The following GPC5 variants were observed in gnomAD, a reference collection of about 807,000 sequenced individuals.
The protein encoded by GPC5 is glypican 5, also known as glypican-5.
In GPC5, 47 loss-of-function variants were observed where a neutral mutation model predicts 53.9. The ratio of observed to expected loss-of-function variants is 0.87; its 90% CI spans 0.69 to 1.11. The LOEUF (loss-of-function observed/expected upper bound fraction) is 1.11. GPC5 is among the 50% of genes most tolerant of loss of function. The probability of loss-of-function intolerance (pLI) is 0.00; values close to 1 mark genes in which losing one functional copy is unlikely to be tolerated. For missense variants in GPC5, 748 were observed against 713.1 expected, an observed-to-expected ratio of 1.05 and a Z score of -0.56; for synonymous variants, 286 against 263.3, an observed-to-expected ratio of 1.09 and a Z score of -0.84.
chr13:92,094,543 AAAT>A (rs1484677375), intron 6 of GPC5, among the ~76,000 whole-genome samples: 5 of 150,544 alleles, frequency 3.3e-5, no homozygotes, highest in African/African-American at 4.9e-5. Context: ...AAAAAAAAAA[AAAT>A]AGTCTAAAAT....
intron 7 of GPC5, among the ~76,000 whole-genome samples, chr13:92,754,380 A>G (rs544610667): frequency 2.8e-4 from 43 of 152,352 alleles, no homozygotes; most frequent in African/African-American, 1.0e-3. Context: ...AAATCATGCC[A>G]AAATGTAAAG....
chr13:92,852,690 C>T (rs1007870211), intron 7 of GPC5, among the ~76,000 whole-genome samples: 1 of 152,264 alleles, frequency 6.6e-6, no homozygotes, highest in African/African-American at 2.4e-5. Flanking sequence ...CCCACCTTGG[C>T]CTCCCAAAGC....
chr13:91,913,863 G>A (rs1054208111), intron 6 of GPC5, among the ~76,000 whole-genome samples: 2 of 152,182 alleles, frequency 1.3e-5, no homozygotes, highest in African/African-American at 2.4e-5. Context: ...AATGGCCAGT[G>A]AAGATTTTCC....
intron 7 of GPC5, among the ~76,000 whole-genome samples, chr13:92,788,214 G>A (rs1283862414): frequency 6.6e-6 from 1 of 151,906 alleles, no homozygotes; most frequent in South Asian, 2.1e-4. Flanking sequence ...CAAGAAATAG[G>A]AACATGTCCA....
At chr13:92,055,049 T>A (rs1354108531) in intron 6 of GPC5, among the ~76,000 whole-genome samples, 1 of 152,232 alleles carries the variant, frequency 6.6e-6, no homozygotes, top group Non-Finnish European at 1.5e-5. Context: ...TATTGTTGTA[T>A]TCTAAATAAC....
intron 5 of GPC5, among the ~76,000 whole-genome samples, chr13:91,883,414 A>G (rs970840484): frequency 1.3e-5 from 2 of 152,236 alleles, no homozygotes; most frequent in African/African-American, 4.8e-5. Flanking sequence ...CGAGAAGAAT[A>G]TCAACCTGTT....
intron 5 of GPC5, among the ~76,000 whole-genome samples, chr13:91,847,441 G>GA (rs1250865946): frequency 5.9e-5 from 9 of 151,864 alleles, no homozygotes; most frequent in Admixed American, 4.6e-4. Flanking sequence ...GAGTTCAACT[G>GA]AAAAAAATGC....
chr13:91,996,419 T>C (rs1300267493), intron 6 of GPC5: 2 of 152,234 alleles, frequency 1.3e-5, no homozygotes, highest in African/African-American at 4.8e-5. Context: ...AACATACTCA[T>C]AAGGCACAAA....
At chr13:92,025,568 G>A (rs1464002113) in intron 6 of GPC5, among the ~76,000 whole-genome samples, 2 of 152,200 alleles carry the variant, frequency 1.3e-5, no homozygotes, top group Non-Finnish European at 2.9e-5. Flanking sequence ...TGCAGGTCAT[G>A]TAGTGTAAAC....
chr13:92,133,075 G>A (rs2041757433), intron 6 of GPC5, among the ~76,000 whole-genome samples: 1 of 151,984 alleles, frequency 6.6e-6, no homozygotes, highest in South Asian at 2.1e-4. Flanking sequence ...ATAGTTAACA[G>A]GAGAAATATT....
chr13:91,550,451 G>A (rs891962962), intron 2 of GPC5, among the ~76,000 whole-genome samples: 1 of 152,168 alleles, frequency 6.6e-6, no homozygotes, highest in Non-Finnish European at 1.5e-5. Context: ...GGAAATATAT[G>A]TGTGGGGGCA....
intron 2 of GPC5, among the ~76,000 whole-genome samples, chr13:91,611,081 A>G (rs1182656257): frequency 6.6e-6 from 1 of 152,198 alleles, no homozygotes; most frequent in South Asian, 2.1e-4. Flanking sequence ...TTGTCAGATT[A>G]GTTAGAATGT....
chr13:92,189,719 T>C (rs1303159643), intron 7 of GPC5, among the ~76,000 whole-genome samples: 1 of 151,994 alleles, frequency 6.6e-6, no homozygotes, highest in Non-Finnish European at 1.5e-5. Flanking sequence ...TGCTAAGAGC[T>C]TTAATGGAAA....
chr13:92,304,293 C>T (rs1040742962), intron 7 of GPC5, among the ~76,000 whole-genome samples: 1 of 151,926 alleles, frequency 6.6e-6, no homozygotes, highest in Non-Finnish European at 1.5e-5. Flanking sequence ...CAAGCTCCAC[C>T]TCCTGGGTTC....
intron 7 of GPC5, among the ~76,000 whole-genome samples, chr13:92,219,858 G>T (rs953110869): frequency 1.3e-5 from 2 of 152,114 alleles, no homozygotes; most frequent in Non-Finnish European, 2.9e-5. Flanking sequence ...CCTCTAGAGG[G>T]TTTTTAAACC....
intron 7 of GPC5, among the ~76,000 whole-genome samples, chr13:92,667,789 T>G (rs1234815654): frequency 1.3e-5 from 2 of 152,208 alleles, no homozygotes; most frequent in Non-Finnish European, 2.9e-5. Flanking sequence ...ATAATTCATG[T>G]GTTGAGCAGG....
chr13:92,774,083 G>T (rs1875706834), intron 7 of GPC5, among the ~76,000 whole-genome samples: 1 of 152,170 alleles, frequency 6.6e-6, no homozygotes, highest in Non-Finnish European at 1.5e-5. Flanking sequence ...CACATGTGGG[G>T]ATTATTATAA....
chr13:92,856,325 A>C (rs1425516715), intron 7 of GPC5, among the ~76,000 whole-genome samples: 1 of 152,022 alleles, frequency 6.6e-6, no homozygotes, highest in Admixed American at 6.6e-5. Flanking sequence ...AAAACAGAGT[A>C]AGCACTGAAG....
intron 2 of GPC5, among the ~76,000 whole-genome samples, chr13:91,472,618 C>T (rs767741674): frequency 5.3e-5 from 8 of 152,092 alleles, no homozygotes; most frequent in Non-Finnish European, 8.8e-5. Flanking sequence ...CTAGTCATTG[C>T]CAATACATAT....
Sources: allele counts gnomAD v4.1 joint callset (sites outside exome capture counted in the v4.1 genomes callset), GRCh38; gene constraint gnomAD v4.1.1; transcripts MANE v1.5; gene names NCBI Gene and HGNC (gene_info 2026-07-23, HGNC 2026-07-21).